STK33: variants seen among roughly 807,000 people sequenced by gnomAD.
The protein encoded by STK33 is serine/threonine kinase 33, also known as serine/threonine-protein kinase 33.
In STK33, 52 loss-of-function variants were observed where a neutral mutation model predicts 58.0. The ratio of observed to expected loss-of-function variants is 0.90; its 90% confidence interval spans 0.72 to 1.13. STK33 has a LOEUF of 1.13. STK33 is among the 50% of genes most tolerant of loss of function. STK33 has a pLI of 0.00. For synonymous variants in STK33, 215 were observed against 200.1 expected (o/e 1.07, Z -0.63); for missense variants, 630 against 604.2 (o/e 1.04, Z -0.45).
chr11:8,587,675 C>T (rs1189096857), intron 1 of STK33, among the ~76,000 whole-genome samples: 1 of 152,000 alleles, frequency 6.6e-6, no homozygotes, highest in Non-Finnish European at 1.5e-5. Flanking sequence ...ATGGCCCTTC[C>T]TGTTTCTCCC....
intron 1 of STK33, among the ~76,000 whole-genome samples, chr11:8,517,621 T>C (rs186135340): frequency 6.6e-6 from 1 of 152,060 alleles, no homozygotes; most frequent in African/African-American, 2.4e-5. Context: ...CTAACTAGAA[T>C]AAACAGTGCA....
chr11:8,554,043 T>C lies in STK33; in HGVS notation c.-466+40040A>G, dbSNP rs112823500. 6.7e-3 allele frequency among the ~76,000 whole-genome samples: 1,026 copies of C among 152,134 alleles called. 10 individuals carry two copies. Among genetic ancestry groups the C allele is most frequent in the African/African-American group, 0.023 (975 of 41,504 alleles). On this transcript the variant is annotated intron_variant, in intron 1 of 15. Coordinates refer to ENST00000687296, the MANE Select transcript of STK33 (RefSeq NM_001352389.2). ...AGTAGGAGAAAATATTTACAAACCA[T>C]ATATCTGAAAAGGGATTAATATCCA...
At chr11:8,378,429 A>C in the STK33 span, among the ~76,000 whole-genome samples, 1 of 152,206 alleles carries the variant, frequency 6.6e-6, no homozygotes. Flanking sequence ...GAGGCAGGAG[A>C]ATCGCTTGAA....
intron 11 of STK33, among the ~76,000 whole-genome samples, chr11:8,446,307 T>C (rs1474544683): frequency 1.3e-5 from 2 of 152,124 alleles, no homozygotes; most frequent in Non-Finnish European, 2.9e-5. Flanking sequence ...ATATATTTTG[T>C]TAATCTTTTC....
intron 1 of STK33, among the ~76,000 whole-genome samples, chr11:8,562,961 T>C (rs1591809298): frequency 6.6e-6 from 1 of 152,234 alleles, no homozygotes; most frequent in East Asian, 1.9e-4. Context: ...GGGGTAGCTG[T>C]TTAAGCAGAG....
intron 1 of STK33, among the ~76,000 whole-genome samples, chr11:8,498,423 T>C (rs1951228927): frequency 6.6e-6 from 1 of 152,088 alleles, no homozygotes; most frequent in African/African-American, 2.4e-5. Context: ...CAAACCCTGC[T>C]CGAGGAAATA....
intron 15 of STK33, among the ~76,000 whole-genome samples, chr11:8,394,613 C>A (rs1029025363): frequency 6.6e-6 from 1 of 152,072 alleles, no homozygotes; most frequent in Non-Finnish European, 1.5e-5. Flanking sequence ...TTGCAGTCAC[C>A]AGGAAGAAAT....
At chr11:8,494,130 C>T (rs965161828) in intron 1 of STK33, among the ~76,000 whole-genome samples, 2 of 152,112 alleles carry the variant, frequency 1.3e-5, no homozygotes, top group South Asian at 4.2e-4. Context: ...ATGAAGGGTA[C>T]TCAATTAGGA....
chr11:8,469,384 C>G (rs1001671463), intron 6 of STK33, among the ~76,000 whole-genome samples: 1 of 152,182 alleles, frequency 6.6e-6, no homozygotes, highest in Non-Finnish European at 1.5e-5. Flanking sequence ...TTCACTCATT[C>G]ATGTTTTATC....
rs924463598 is a variant in STK33 at position 8,436,150 on chromosome 11, G to A, written c.948-11C>T. ...GGTTCTCCACGTAATCTGCAACAAA[G>A]GCAATCACTTTGTTTAAATTTTTTA... On this transcript the variant is annotated splice_polypyrimidine_tract_variant and intron_variant, in intron 12 of 15. Transcript: ENST00000687296. The A allele has an allele frequency of 6.7e-7, 1 of 1,490,942 alleles. No individual in the cohort carries two copies. Among genetic ancestry groups the A allele is most frequent in the Non-Finnish European group, 9.1e-7 (1 of 1,103,692 alleles). 92.4% of individuals were successfully genotyped at this position (1,490,942 alleles called of 1,614,324 possible).
intron 14 of STK33, among the ~76,000 whole-genome samples, chr11:8,418,085 AT>A (rs146612983): frequency 0.073 from 10,936 of 150,296 alleles, 600 homozygotes; most frequent in East Asian, 0.3. Context: ...CTGGCTTTTC[AT>A]TTTTTTTTTA....
intron 6 of STK33, chr11:8,465,768 T>C (rs1948107193): frequency 3.3e-5 from 5 of 152,854 alleles, no homozygotes. Flanking sequence ...GTATGTGTGA[T>C]CACTTTCACA....
chr11:8,386,019 C>T, the STK33 span, among the ~76,000 whole-genome samples: 14 of 151,998 alleles, frequency 9.2e-5, no homozygotes, highest in African/African-American at 2.9e-4. Flanking sequence ...GTGATCCACC[C>T]ACCTTGGCCT....
rs575988602 is a variant in STK33, at chr11:8,452,012, G to A, written c.871+810C>T. ...GAAGTCAGGAGTTTTAGATCAGCCC[G>A]GCCAACACGGCAAAAACCTGTCTCT... On this transcript the variant is annotated intron_variant, in intron 11 of 15. Coordinates refer to ENST00000687296, the MANE Select transcript of STK33 (RefSeq NM_001352389.2). 2.3e-3 allele frequency among the ~76,000 whole-genome samples: 350 copies of A among 151,996 alleles called. 5 individuals are homozygous for A. Among genetic ancestry groups the A allele is most frequent in the Non-Finnish European group, 3.0e-3 (205 of 67,998 alleles).
At chr11:8,535,134 T>C (rs1386637707) in intron 1 of STK33, among the ~76,000 whole-genome samples, 3 of 152,172 alleles carry the variant, frequency 2.0e-5, no homozygotes, top group Non-Finnish European at 1.5e-5. Context: ...TATGAACGTG[T>C]CACCACAGTG....
At chr11:8,567,578 AAT>A (rs1437994399) in intron 1 of STK33, among the ~76,000 whole-genome samples, 3 of 152,230 alleles carry the variant, frequency 2.0e-5, no homozygotes, top group Non-Finnish European at 4.4e-5. Context: ...CATTTCCCAA[AAT>A]ATATGAGCTA....
At chr11:8,513,277 T>C (rs980424268) in intron 1 of STK33, among the ~76,000 whole-genome samples, 7 of 152,146 alleles carry the variant, frequency 4.6e-5, no homozygotes, top group Non-Finnish European at 1.0e-4. Flanking sequence ...CTCACTTCTT[T>C]TTCCTCATCA....
At chr11:8,347,207 G>T in the STK33 span, among the ~76,000 whole-genome samples, 2 of 152,138 alleles carry the variant, frequency 1.3e-5, no homozygotes, top group African/African-American at 4.8e-5. Context: ...GAATGCAGGG[G>T]GGAGCTCACA....
At chr11:8,499,815 C>T (rs892919830) in intron 1 of STK33, among the ~76,000 whole-genome samples, 3 of 152,082 alleles carry the variant, frequency 2.0e-5, no homozygotes, top group African/African-American at 7.2e-5. Flanking sequence ...CAAACTAACA[C>T]AGGAACAGAA....
Sources: gnomAD v4.1 joint callset for allele counts (sites outside exome capture counted in the v4.1 genomes callset) on GRCh38, gnomAD v4.1.1 for gene constraint, MANE v1.5 for transcripts, NCBI Gene and HGNC (gene_info 2026-07-23, HGNC 2026-07-21) for gene names.